The following CMIP variants were observed in gnomAD, a reference collection of about 807,000 sequenced individuals.
CMIP encodes C-Maf-inducing protein.
A neutral mutation model predicts 97.3 loss-of-function variants in CMIP; 13 were observed. That is an observed-to-expected ratio of 0.13 (90% confidence interval 0.09 to 0.21). CMIP has a LOEUF of 0.21. CMIP is among the 10% of genes least tolerant of loss of function. CMIP has a pLI of 1.00. For missense variants in CMIP, 847 were observed against 1,024.9 expected (o/e 0.83, Z 2.37); for synonymous variants, 538 against 436.3 (o/e 1.23, Z -2.91).
At chr16:81,547,494 AG>A (rs894956619) in intron 1 of CMIP, among the ~76,000 whole-genome samples, 1 of 152,014 alleles carries the variant, frequency 6.6e-6, no homozygotes, top group African/African-American at 2.4e-5. Flanking sequence ...AGTTCAGAGG[AG>A]GGCCTGGTTT....
intron 1 of CMIP, among the ~76,000 whole-genome samples, chr16:81,488,130 A>T (rs1567540438): frequency 6.6e-6 from 1 of 152,192 alleles, no homozygotes; most frequent in African/African-American, 2.4e-5. Flanking sequence ...TATTGGCTGC[A>T]TGACCTTAGC....
At chr16:81,547,660 T>C (rs1006263499) in intron 1 of CMIP, among the ~76,000 whole-genome samples, 1 of 152,200 alleles carries the variant, frequency 6.6e-6, no homozygotes, top group South Asian at 2.1e-4. Context: ...CTCAGAAGCC[T>C]GCAGGGTCCA....
At chr16:81,685,871 C>T (rs1321409559) in intron 10 of CMIP, among the ~76,000 whole-genome samples, 1 of 152,124 alleles carries the variant, frequency 6.6e-6, no homozygotes, top group Non-Finnish European at 1.5e-5. Context: ...CACCAGTGTC[C>T]TTGTGATATA....
intron 10 of CMIP, among the ~76,000 whole-genome samples, chr16:81,679,672 T>G (rs921207188): frequency 1.3e-5 from 2 of 152,036 alleles, no homozygotes; most frequent in Non-Finnish European, 1.5e-5. Flanking sequence ...GTGGTGTGGC[T>G]TCTGAGCTGG....
intron 18 of CMIP, 113 bp from the exon 19 acceptor site, chr16:81,705,386 T>C (rs1908014450): frequency 2.8e-6 from 2 of 725,894 alleles, no homozygotes; most frequent in Admixed American, 5.4e-5. Context: ...TGGTGGGCCA[T>C]GGGCCTCAGA....
intron 16 of CMIP, 45 bp downstream of exon 16, chr16:81,701,845 AG>A (rs754434745): frequency 4.0e-5 from 65 of 1,608,412 alleles, no homozygotes; most frequent in Admixed American, 1.2e-4. Context: ...CCAGCAGGCC[AG>A]GGGGGGCCAG....
intron 10 of CMIP, among the ~76,000 whole-genome samples, chr16:81,682,810 C>G (rs564571416): frequency 2.6e-5 from 4 of 152,290 alleles, no homozygotes; most frequent in Admixed American, 6.5e-5. Context: ...GAATTTGACA[C>G]TTTTGAAAAG....
In CMIP at chr16:81,453,167, C is replaced by T. The variant is rs1182544839; in HGVS notation, c.300+7626C>T. On this transcript the variant is annotated intron_variant, in intron 1 of 20. Coordinates refer to ENST00000537098, the MANE Select transcript of CMIP (RefSeq NM_198390.3). The surrounding 1 kb of genome is among the most constrained non-coding windows in gnomAD (Gnocchi z 4.0). ...AGCCCACCTGGGATTCAAACCCAGA[C>T]TCCTGCCTTCCCATGGCATCCTTTG... Among the ~76,000 whole-genome samples, 1 of 152,214 alleles carries T rather than the reference C, an allele frequency of 6.6e-6. No homozygotes were observed. Among genetic ancestry groups the T allele is most frequent in the Non-Finnish European group, 1.5e-5 (1 of 68,044 alleles).
At position 81,602,276 on chromosome 16, in the gene CMIP, T is replaced by C. The variant is rs536617735; in HGVS notation, c.301-5291T>C. On this transcript the variant is annotated intron_variant, in intron 1 of 20. Coordinates refer to ENST00000537098, the MANE Select transcript of CMIP (RefSeq NM_198390.3). ...AAAAAAAAGGCGTTACAAAATTCTT[T>C]GTACTGTATGATTTCGGCTTTATAA... Among the ~76,000 whole-genome samples the C allele has an allele frequency of 6.6e-5, 10 of 152,334 alleles. No homozygotes were observed. In the South Asian group the frequency reaches 1.2e-3, roughly 19 times the overall value.
intron 13 of CMIP, among the ~76,000 whole-genome samples, chr16:81,694,105 C>T (rs910981656): frequency 6.6e-6 from 1 of 152,228 alleles, no homozygotes; most frequent in African/African-American, 2.4e-5. Flanking sequence ...ACACACATTC[C>T]TTTTCTCATG....
At chr16:81,669,347 C>T (rs2092654378) in intron 7 of CMIP, among the ~76,000 whole-genome samples, 1 of 76,720 alleles carries the variant, frequency 1.3e-5, no homozygotes, top group African/African-American at 4.1e-5. Flanking sequence ...TTCCACACCC[C>T]TCTCACCTCC....
chr16:81,525,210 C>G (rs1013509655), intron 1 of CMIP, among the ~76,000 whole-genome samples: 1 of 152,124 alleles, frequency 6.6e-6, no homozygotes, highest in African/African-American at 2.4e-5. Flanking sequence ...GTGGCACAAT[C>G]TCGGCTCCCC....
At chr16:81,460,727 A>C (rs1906850865) in intron 1 of CMIP, among the ~76,000 whole-genome samples, 1 of 151,998 alleles carries the variant, frequency 6.6e-6, no homozygotes, top group African/African-American at 2.4e-5. Flanking sequence ...TTCCCTTTAG[A>C]GTTCAGAGCA....
chr16:81,596,019 C>T (rs1030038975), intron 1 of CMIP, among the ~76,000 whole-genome samples: 3 of 152,174 alleles, frequency 2.0e-5, no homozygotes, highest in Non-Finnish European at 4.4e-5. Context: ...TCACTTTCTC[C>T]ACCTCTCCCT....
At position 81,590,252 on chromosome 16, in the gene CMIP, C is replaced by T. The variant is rs1280634483; in HGVS notation, c.301-17315C>T. ...TTCTTTTCCTCCCTCCCATTCCTTC[C>T]CTACCTCCCATTCCTTCGTCTCAAC... is the stretch of plus-strand genomic sequence containing the variant. On this transcript the variant is annotated intron_variant, in intron 1 of 20. Transcript: ENST00000537098. 3.3e-5 allele frequency among the ~76,000 whole-genome samples: 4 copies of T among 122,702 alleles called. No homozygotes were observed. The East Asian group carries it at 1.2e-3, about 37-fold the overall frequency. The allele number at this position is 122,702 out of a possible 152,430, so 80.5% of individuals were successfully genotyped here.
intron 1 of CMIP, among the ~76,000 whole-genome samples, chr16:81,506,527 A>G (rs1189319797): frequency 2.0e-5 from 3 of 152,236 alleles, no homozygotes; most frequent in Non-Finnish European, 4.4e-5. Flanking sequence ...TAAAATGGGT[A>G]ATGGAAATAA....
intron 1 of CMIP, among the ~76,000 whole-genome samples, chr16:81,524,739 C>T (rs896067117): frequency 2.0e-5 from 3 of 152,168 alleles, no homozygotes; most frequent in African/African-American, 7.2e-5. Context: ...TGTTCCTATT[C>T]TTGACAGTAA....
At chr16:81,459,159 T>G (rs1210182410) in intron 1 of CMIP, among the ~76,000 whole-genome samples, 6 of 152,166 alleles carry the variant, frequency 3.9e-5, no homozygotes, top group Non-Finnish European at 8.8e-5. Context: ...TGCAGGACTG[T>G]GAGCTTGAAG....
intron 1 of CMIP, chr16:81,475,911 C>G (rs570593069): frequency 3.9e-5 from 15 of 388,610 alleles, no homozygotes; most frequent in African/African-American, 3.0e-4. Context: ...GGCATGAACC[C>G]GGGAGGCAGA....
Sources: gnomAD v4.1 joint callset for allele counts (sites outside exome capture counted in the v4.1 genomes callset) on GRCh38, gnomAD v4.1.1 for gene constraint, Gnocchi (gnomAD v3.1) non-coding constraint, MANE v1.5 for transcripts, NCBI Gene and HGNC (gene_info 2026-07-23, HGNC 2026-07-21) for gene names.